Variants in PATJ observed in about 807,000 individuals in gnomAD.
The protein encoded by PATJ is inaD-like protein.
Under a neutral mutation model 224.9 loss-of-function variants are expected in PATJ, and 190 were observed. That is an observed-to-expected ratio of 0.84 (90% CI 0.75 to 0.95). The LOEUF (loss-of-function observed/expected upper bound fraction) is 0.95. Among genes scored for constraint, PATJ ranks in the 40% least tolerant of loss-of-function variants. The probability of loss-of-function intolerance (pLI) is 0.00; values close to 1 mark genes in which losing one functional copy is unlikely to be tolerated. For synonymous variants in PATJ, 769 were observed against 820.3 expected (o/e 0.94, Z 1.07); for missense variants, 2,121 against 2,270.3 (o/e 0.93, Z 1.34).
At chr1:61,945,862 C>A (rs1054421709) in intron 27 of PATJ, among the ~76,000 whole-genome samples, 1 of 152,198 alleles carries the variant, frequency 6.6e-6, no homozygotes, top group Non-Finnish European at 1.5e-5. Context: ...TCATAACAAA[C>A]TGTCTCTCAG....
chr1:61,833,371 A>G (rs1426753023), intron 16 of PATJ: 2 of 205,650 alleles, frequency 9.7e-6, no homozygotes, highest in African/African-American at 4.6e-5. Context: ...TCATTGAAGT[A>G]TAAGAGGTCA....
At chr1:62,022,364 G>A (rs1022458623) in intron 29 of PATJ, among the ~76,000 whole-genome samples, 2 of 152,056 alleles carry the variant, frequency 1.3e-5, no homozygotes, top group African/African-American at 4.8e-5. Context: ...TTAGATTTTG[G>A]ATAATCCTGG....
chr1:62,059,934 G>A (rs1276394746), intron 31 of PATJ, among the ~76,000 whole-genome samples: 2 of 152,142 alleles, frequency 1.3e-5, no homozygotes, highest in Non-Finnish European at 2.9e-5. Context: ...GCAGCTGACT[G>A]GGTGGCTGGT....
intron 14 of PATJ, among the ~76,000 whole-genome samples, chr1:61,817,100 T>C (rs932340649): frequency 2.0e-5 from 3 of 152,206 alleles, no homozygotes; most frequent in Non-Finnish European, 4.4e-5. Flanking sequence ...CTCTGAAGAA[T>C]AGATTTGGAG....
rs1452224192 is a variant in PATJ at position 62,071,133 on chromosome 1, TCTTA to T, written c.4126-8310_4126-8307del. ...ACTGTGAGATACAAAGGTAAGTTAGTCTTACTTACTCTAAAAATTGCCTCCAGCA... is the reference window on the plus strand; with the variant it reads ...ACTGTGAGATACAAAGGTAAGTTAGTCTTACTCTAAAAATTGCCTCCAGCA... On this transcript the variant is annotated intron_variant, in intron 31 of 43. Coordinates refer to ENST00000642238, the MANE Select transcript of PATJ (RefSeq NM_001350145.3). Among the ~76,000 whole-genome samples, 5 of 152,232 alleles carry T rather than the reference TCTTA, an allele frequency of 3.3e-5. No individual in the cohort carries two copies. In the East Asian group the frequency reaches 5.8e-4, roughly 18 times the overall value.
chr1:62,076,116 AGTTTTGTTTT>A (rs1028184705), intron 31 of PATJ, among the ~76,000 whole-genome samples: 1 of 152,120 alleles, frequency 6.6e-6, no homozygotes, highest in Non-Finnish European at 1.5e-5. Context: ...ATCCCAGGCA[AGTTTTGTTTT>A]GTTTTGTTTT....
intron 28 of PATJ, among the ~76,000 whole-genome samples, chr1:62,016,429 A>G (rs1570065463): frequency 6.6e-6 from 1 of 152,200 alleles, no homozygotes; most frequent in African/African-American, 2.4e-5. Context: ...TGTCCCTTAT[A>G]TGGTACACTA....
At chr1:62,077,632 G>A (rs1044211012) in intron 31 of PATJ, among the ~76,000 whole-genome samples, 32 of 146,494 alleles carry the variant, frequency 2.2e-4, no homozygotes, top group Non-Finnish European at 8.9e-5. Context: ...CAAGGCTTCA[G>A]TGAGCCGAGA....
At chr1:61,840,510 T>C (rs1239232003) in intron 17 of PATJ, among the ~76,000 whole-genome samples, 1 of 151,988 alleles carries the variant, frequency 6.6e-6, no homozygotes, top group East Asian at 1.9e-4. Flanking sequence ...TTAAAAAAAC[T>C]TTGACATATA....
chr1:61,989,368 A>G (rs1644939086), intron 27 of PATJ, among the ~76,000 whole-genome samples: 1 of 152,208 alleles, frequency 6.6e-6, no homozygotes, highest in Non-Finnish European at 1.5e-5. Context: ...ATTCATTGTT[A>G]GATATTGAGT....
chr1:61,848,902 A>G (rs1662382855), intron 17 of PATJ, among the ~76,000 whole-genome samples: 2 of 152,238 alleles, frequency 1.3e-5, no homozygotes, highest in Admixed American at 1.3e-4. Context: ...GCTGTTTCAT[A>G]GTTTCCTCAG....
At chr1:61,811,365 A>G (rs2148650543) in intron 14 of PATJ, among the ~76,000 whole-genome samples, 1 of 151,970 alleles carries the variant, frequency 6.6e-6, no homozygotes, top group Non-Finnish European at 1.5e-5. Flanking sequence ...GGTAGCTGGG[A>G]TTATAGGTGC....
At chr1:61,993,904 A>G (rs1479627274) in intron 28 of PATJ, among the ~76,000 whole-genome samples, 1 of 151,880 alleles carries the variant, frequency 6.6e-6, no homozygotes, top group Admixed American at 6.6e-5. Context: ...GCTTTATTGG[A>G]CTCCTCCTAT....
At chr1:62,017,376 T>G (rs1312966735) in intron 28 of PATJ, among the ~76,000 whole-genome samples, 1 of 148,786 alleles carries the variant, frequency 6.7e-6, no homozygotes, top group Non-Finnish European at 1.5e-5. Flanking sequence ...ATCATGCCAC[T>G]GCACCCCATC....
intron 31 of PATJ, chr1:62,054,303 C>A: frequency 2.4e-6 from 1 of 418,702 alleles, no homozygotes; most frequent in Non-Finnish European, 4.8e-6. Context: ...GTTGAGGTGG[C>A]AGTAAGCTGT....
chr1:61,774,076 C>T (rs1262417640), intron 6 of PATJ, among the ~76,000 whole-genome samples: 2 of 138,952 alleles, frequency 1.4e-5, no homozygotes, highest in Admixed American at 7.7e-5. Flanking sequence ...GCCGAGATCA[C>T]ACCACTGCAC....
chr1:62,160,943 G>T lies in PATJ; in HGVS notation c.5538G>T (p.Gly1846=), dbSNP rs751821564. The change falls in exon 44 of 44, where the codon GGG becomes GGT. Residue 1846 remains glycine (G), a synonymous_variant. Transcript: ENST00000642238. The part of the protein sequence containing the change: ...AAADDGRLKR[G]DQILAVNGET... Reference sequence around the variant, plus strand: ...CAGATGACGGCCGATTAAAACGAGGGGATCAGATTTTAGCTGTTAATGGCG... The same window carrying T: ...CAGATGACGGCCGATTAAAACGAGGTGATCAGATTTTAGCTGTTAATGGCG... 3.1e-6 allele frequency: 5 copies of T among 1,613,990 alleles called. No homozygotes were observed. The South Asian group carries it at 4.4e-5, about 14-fold the overall frequency.
chr1:61,938,785 G>T (rs556935484), intron 27 of PATJ, among the ~76,000 whole-genome samples: 36 of 151,976 alleles, frequency 2.4e-4, no homozygotes, highest in Admixed American at 2.2e-3. Flanking sequence ...TGTTTATTTA[G>T]AATTTAGAGC....
intron 3 of PATJ, among the ~76,000 whole-genome samples, chr1:61,763,703 A>G (rs997320207): frequency 9.9e-5 from 15 of 152,098 alleles, no homozygotes; most frequent in African/African-American, 3.6e-4. Flanking sequence ...TCTGTCACTG[A>G]GGCGGGAGTG....
Sources: allele counts gnomAD v4.1 joint callset (sites outside exome capture counted in the v4.1 genomes callset), GRCh38; gene constraint gnomAD v4.1.1; transcripts MANE v1.5; gene names NCBI Gene and HGNC (gene_info 2026-07-23, HGNC 2026-07-21).